MALRD1: variants seen among roughly 807,000 people sequenced by gnomAD.
MALRD1 encodes the protein MAM and LDL-receptor class A domain-containing protein 1.
In MALRD1, 247 loss-of-function variants were observed where a neutral mutation model predicts 242.1. The ratio of observed to expected loss-of-function variants is 1.02; its 90% CI spans 0.92 to 1.13. MALRD1 has a LOEUF of 1.13. MALRD1 is among the 50% of genes most tolerant of loss of function. MALRD1 has a pLI of 0.00. For missense variants in MALRD1, 2,989 were observed against 2,533.1 expected (o/e 1.18, Z -3.86); for synonymous variants, 995 against 866.6 (o/e 1.15, Z -2.60).
chr10:19,244,950 AGAG>A lies in MALRD1; in HGVS notation c.2992-12730_2992-12728del, dbSNP rs1436350476. Among the ~76,000 whole-genome samples, 11 of 152,284 alleles carry A rather than the reference AGAG, an allele frequency of 7.2e-5. No homozygotes were observed. The East Asian group carries it at 7.7e-4, about 11-fold the overall frequency. ...TGGCCAGTGAACTAAGACCATCAAG[AGAG>A]GAGAAGTCACAATAGTATCTTAGAT... On this transcript the variant is annotated intron_variant, in intron 18 of 39. Transcript: ENST00000454679.
intron 19 of MALRD1, among the ~76,000 whole-genome samples, chr10:19,262,051 G>A (rs1239591787): frequency 2.0e-5 from 3 of 151,832 alleles, no homozygotes; most frequent in Non-Finnish European, 4.4e-5. Flanking sequence ...TTTTTACTTT[G>A]TCTTAAAATG....
At position 19,678,742 on chromosome 10, in the gene MALRD1, T is replaced by C. The variant is rs188798118; in HGVS notation, c.6138-13540T>C. The stretch of plus-strand genomic sequence containing the variant: ...GTCTTATGCTGGTTTTCAAAGGGAA[T>C]GCTTCCAGCTTTTGCCCATTCAGTA... On this transcript the variant is annotated intron_variant, in intron 36 of 39. Transcript: ENST00000454679. Among the ~76,000 whole-genome samples the C allele has an allele frequency of 1.0e-3, 156 of 152,336 alleles. 1 individual carries two copies. Among genetic ancestry groups the C allele is most frequent in the Middle Eastern group, 3.4e-3 (1 of 294 alleles).
At chr10:19,520,792 T>C (rs1833845074) in intron 31 of MALRD1, among the ~76,000 whole-genome samples, 1 of 152,168 alleles carries the variant, frequency 6.6e-6, no homozygotes, top group Non-Finnish European at 1.5e-5. Flanking sequence ...CTATATTTCT[T>C]CAGCTATTCA....
intron 1 of MALRD1, among the ~76,000 whole-genome samples, chr10:19,060,727 G>A (rs574667591): frequency 1.6e-4 from 24 of 152,264 alleles, no homozygotes; most frequent in Non-Finnish European, 2.5e-4. Context: ...CCAGAGAGAG[G>A]TCACAGAGTA....
At chr10:19,418,483 C>A (rs1159760082) in intron 28 of MALRD1, among the ~76,000 whole-genome samples, 2 of 152,086 alleles carry the variant, frequency 1.3e-5, no homozygotes, top group African/African-American at 4.8e-5. Flanking sequence ...CACTGCTATG[C>A]CTGACATGTA....
At chr10:19,318,788 T>C (rs1044549268) in intron 21 of MALRD1, among the ~76,000 whole-genome samples, 6 of 152,212 alleles carry the variant, frequency 3.9e-5, no homozygotes, top group South Asian at 2.1e-4. Flanking sequence ...ATGTGCTTTA[T>C]TAATTTTAAA....
intron 28 of MALRD1, among the ~76,000 whole-genome samples, chr10:19,413,820 G>A (rs1047631710): frequency 3.3e-5 from 5 of 151,660 alleles, no homozygotes; most frequent in Admixed American, 6.6e-5. Context: ...CATCTCTGGC[G>A]GGTACCTGTA....
chr10:19,281,954 C>G (rs576923964), intron 20 of MALRD1, among the ~76,000 whole-genome samples: 1 of 113,810 alleles, frequency 8.8e-6, no homozygotes, highest in Non-Finnish European at 1.7e-5. Flanking sequence ...CAAAGTGAGA[C>G]GATGTCTCCA....
At chr10:19,728,015 C>T (rs866921824) in intron 38 of MALRD1, among the ~76,000 whole-genome samples, 14 of 152,076 alleles carry the variant, frequency 9.2e-5, no homozygotes, top group Middle Eastern at 3.4e-3. Flanking sequence ...AATCTGTGGA[C>T]GGTGTAATAG....
At position 19,434,523 on chromosome 10, in the gene MALRD1, A is replaced by G. The variant is rs868301756; in HGVS notation, c.4846-15784A>G. Among the ~76,000 whole-genome samples, 8 of 152,094 alleles carry G rather than the reference A, an allele frequency of 5.3e-5. No homozygotes were observed. In the South Asian group the frequency reaches 6.2e-4, roughly 12 times the overall value. The stretch of plus-strand genomic sequence containing the variant: ...AAATGTTTGCAGTTTAAAGAATATA[A>G]CTTTTCTATTACTCAATTTTTTCCA... On this transcript the variant is annotated intron_variant, in intron 28 of 39. Coordinates refer to ENST00000454679, the MANE Select transcript of MALRD1 (RefSeq NM_001142308.3).
At chr10:19,121,395 A>T (rs1229571434) in intron 5 of MALRD1, among the ~76,000 whole-genome samples, 1 of 152,146 alleles carries the variant, frequency 6.6e-6, no homozygotes, top group South Asian at 2.1e-4. Flanking sequence ...TGTTTTGTGA[A>T]GTTTATCTCA....
intron 36 of MALRD1, among the ~76,000 whole-genome samples, chr10:19,665,173 G>A (rs941083315): frequency 2.6e-5 from 4 of 152,098 alleles, no homozygotes. Flanking sequence ...GTAACTCAGA[G>A]GTGGTTAGAA....
Position 19,491,753 on chromosome 10 carries a change from A to G in MALRD1, c.5158+108A>G, listed in dbSNP as rs184794267. ...TGGAGAAGAAATATTATTTTCATGC[A>G]CTAGAGTAGATTTAGAATAGCCCAA... On this transcript the variant is annotated intron_variant, in intron 30 of 39. Transcript: ENST00000454679. 5.0e-5 allele frequency: 63 copies of G among 1,256,384 alleles called. No homozygotes were observed. The East Asian group carries it at 1.5e-3, about 31-fold the overall frequency. 77.8% of individuals were successfully genotyped at this position (1,256,384 alleles called of 1,614,324 possible).
rs1004769443 is a variant in MALRD1 at position 19,663,357 on chromosome 10, C to T, written c.6138-28925C>T. Among the ~76,000 whole-genome samples, 3 of 152,084 alleles carry T rather than the reference C, an allele frequency of 2.0e-5. No individual in the cohort carries two copies. The East Asian group carries it at 5.8e-4, about 29-fold the overall frequency. On this transcript the variant is annotated intron_variant, in intron 36 of 39. Transcript: ENST00000454679. ...CATGTTGCTGCAAAAGACATGATTT[C>T]ATTTTTTCTTATGGATGAGTAGTAT...
At chr10:19,558,568 A>G (rs529375120) in intron 32 of MALRD1, among the ~76,000 whole-genome samples, 3 of 152,300 alleles carry the variant, frequency 2.0e-5, no homozygotes, top group Admixed American at 6.5e-5. Context: ...CTGGCCTAGC[A>G]TACTTGGAAT....
intron 29 of MALRD1, among the ~76,000 whole-genome samples, chr10:19,451,621 C>T (rs1292982829): frequency 1.3e-5 from 2 of 152,088 alleles, no homozygotes; most frequent in African/African-American, 4.8e-5. Flanking sequence ...AAGAGCTAAA[C>T]CTGAATGCTG....
intron 9 of MALRD1, among the ~76,000 whole-genome samples, 173 bp from the exon 10 acceptor site, chr10:19,136,401 T>C (rs918470499): frequency 1.3e-5 from 2 of 152,042 alleles, no homozygotes; most frequent in Admixed American, 1.3e-4. Flanking sequence ...AGGTTTGTTA[T>C]GTCAGTCGTA....
At chr10:19,258,745 G>A (rs929231858) in intron 19 of MALRD1, among the ~76,000 whole-genome samples, 1 of 152,036 alleles carries the variant, frequency 6.6e-6, no homozygotes, top group African/African-American at 2.4e-5. Context: ...ATAGAACTCT[G>A]GAGACAGCTG....
At chr10:19,692,736 T>A (rs985402409) in intron 38 of MALRD1, among the ~76,000 whole-genome samples, 182 bp downstream of exon 38, 9 of 150,642 alleles carry the variant, frequency 6.0e-5, no homozygotes, top group Non-Finnish European at 1.3e-4. Flanking sequence ...ATTTCTCTTC[T>A]TTTTTTAGTA....
Sources: gnomAD v4.1 joint callset for allele counts (sites outside exome capture counted in the v4.1 genomes callset) on GRCh38, gnomAD v4.1.1 for gene constraint, MANE v1.5 for transcripts, NCBI Gene and HGNC (gene_info 2026-07-23, HGNC 2026-07-21) for gene names.